The following HERPUD2 variants were observed in gnomAD, a reference collection of about 807,000 sequenced individuals.
HERPUD2 encodes the protein HERPUD family member 2.
Under a neutral mutation model 49.9 loss-of-function variants are expected in HERPUD2, and 13 were observed. That is an observed-to-expected ratio of 0.26 (90% CI 0.17 to 0.41). HERPUD2 has a LOEUF of 0.41. HERPUD2 is among the 10% of genes least tolerant of loss of function. The pLI is 1.00. For synonymous variants in HERPUD2, 172 were observed against 171.4 expected (o/e 1.00, Z -0.03); for missense variants, 449 against 492.2 (o/e 0.91, Z 0.83).
intron 5 of HERPUD2, among the ~76,000 whole-genome samples, chr7:35,649,722 G>A (rs1180190155): frequency 2.0e-5 from 3 of 152,202 alleles, no homozygotes; most frequent in Non-Finnish European, 2.9e-5. Flanking sequence ...GAATGTCTGA[G>A]TTATGATAAG....
intron 2 of HERPUD2, among the ~76,000 whole-genome samples, chr7:35,676,749 C>T (rs1010969255): frequency 6.6e-6 from 1 of 152,166 alleles, no homozygotes; most frequent in African/African-American, 2.4e-5. Flanking sequence ...TTTGTATCTT[C>T]TCTCACCCTG....
intron 5 of HERPUD2, among the ~76,000 whole-genome samples, chr7:35,654,398 A>C (rs1785231381): frequency 6.6e-6 from 1 of 151,930 alleles, no homozygotes; most frequent in Non-Finnish European, 1.5e-5. Context: ...TAAAAGAGAA[A>C]TCATCAAGAT....
chr7:35,683,061 G>GA (rs929200679), intron 2 of HERPUD2, among the ~76,000 whole-genome samples: 3 of 151,362 alleles, frequency 2.0e-5, no homozygotes, highest in Non-Finnish European at 4.4e-5. Flanking sequence ...CACAGATGTA[G>GA]AAAAAAAAAT....
chr7:35,694,196 G>A lies in HERPUD2; in HGVS notation c.135C>T (p.Tyr45=), dbSNP rs202146392. 6.2e-7 allele frequency: 1 copy of A among 1,614,128 alleles called. No individual in the cohort carries two copies. Among genetic ancestry groups the A allele is most frequent in the East Asian group, 2.2e-5 (1 of 44,868 alleles). Residue 45 remains tyrosine (Y), a synonymous_variant, in exon 2 of 9, where the codon TAC becomes TAT. Coordinates refer to ENST00000311350, the MANE Select transcript of HERPUD2 (RefSeq NM_022373.5). ...GKLKTHLSNV[Y]PSKPLTKDQR... is the part of the protein sequence containing the mutation. Reference sequence around the variant, plus strand: ...TTTACACACTTACTGGTTTGCTAGGGTAAACGTTAGATAGATGCGTTTTTA... The same window carrying A: ...TTTACACACTTACTGGTTTGCTAGGATAAACGTTAGATAGATGCGTTTTTA...
intron 5 of HERPUD2, among the ~76,000 whole-genome samples, chr7:35,660,718 T>C (rs1304117522): frequency 1.3e-5 from 2 of 152,318 alleles, no homozygotes; most frequent in Admixed American, 6.5e-5. Flanking sequence ...CACTTGTTGA[T>C]GGGGTTGTTG....
intron 4 of HERPUD2, among the ~76,000 whole-genome samples, chr7:35,669,807 G>A (rs1785607479): frequency 6.6e-6 from 1 of 152,016 alleles, no homozygotes; most frequent in African/African-American, 2.4e-5. Flanking sequence ...AGAAGATTTA[G>A]GGTACTTAAA....
intron 4 of HERPUD2, among the ~76,000 whole-genome samples, 179 bp downstream of exon 4, chr7:35,670,036 C>T (rs1428043246): frequency 1.3e-5 from 2 of 151,706 alleles, no homozygotes; most frequent in East Asian, 1.9e-4. Context: ...GATAACACTG[C>T]GTATTAGATC....
At chr7:35,658,000 C>A (rs1005288905) in intron 5 of HERPUD2, among the ~76,000 whole-genome samples, 1 of 151,988 alleles carries the variant, frequency 6.6e-6, no homozygotes, top group African/African-American at 2.4e-5. Context: ...GGCTATTTAT[C>A]CAAAGGAAAA....
In HERPUD2 at chr7:35,694,617, G is replaced by A. The variant is rs182240797; in HGVS notation, c.-287C>T. 587 of 429,590 alleles carry A rather than the reference G, an allele frequency of 1.4e-3. 5 individuals are homozygous for A. The highest frequency in any genetic ancestry group is 3.5e-4 in the Non-Finnish European group (81 of 231,916). 26.6% of individuals were successfully genotyped at this position (429,590 alleles called of 1,614,324 possible). The stretch of plus-strand genomic sequence containing the variant: ...TCCGGACTGTGGAGGCCGTCGTGAG[G>A]AGAAAGGAAGCTATACGAAGGAAGG... On this transcript the variant is annotated 5_prime_UTR_variant, in exon 2 of 9. Coordinates refer to ENST00000311350, the MANE Select transcript of HERPUD2 (RefSeq NM_022373.5).
intron 2 of HERPUD2, among the ~76,000 whole-genome samples, chr7:35,682,849 A>T (rs1785944906): frequency 6.6e-6 from 1 of 151,554 alleles, no homozygotes; most frequent in Admixed American, 6.6e-5. Flanking sequence ...AATACTTAGG[A>T]ATATACCTAA....
chr7:35,676,127 A>G (rs534477658), intron 2 of HERPUD2, among the ~76,000 whole-genome samples: 3 of 152,210 alleles, frequency 2.0e-5, no homozygotes, highest in Non-Finnish European at 2.9e-5. Context: ...CAGAATCCAA[A>G]TAAGGTTCAC....
At chr7:35,668,126 A>G (rs1358124516) in intron 4 of HERPUD2, among the ~76,000 whole-genome samples, 4 of 152,236 alleles carry the variant, frequency 2.6e-5, no homozygotes, top group Non-Finnish European at 4.4e-5. Flanking sequence ...GACATTAACA[A>G]GAGTTATAAC....
intron 5 of HERPUD2, among the ~76,000 whole-genome samples, chr7:35,646,061 G>A (rs1343288222): frequency 6.6e-6 from 1 of 152,088 alleles, no homozygotes; most frequent in Non-Finnish European, 1.5e-5. Context: ...CATTATTACT[G>A]TATCTCTAGC....
intron 2 of HERPUD2, among the ~76,000 whole-genome samples, chr7:35,680,627 C>T (rs187859446): frequency 5.3e-5 from 8 of 152,292 alleles, no homozygotes; most frequent in Non-Finnish European, 8.8e-5. Flanking sequence ...TCAATTCAGA[C>T]ACCCTGCCTG....
At chr7:35,651,025 A>G (rs1455164370) in intron 5 of HERPUD2, among the ~76,000 whole-genome samples, 1 of 152,114 alleles carries the variant, frequency 6.6e-6, no homozygotes, top group Admixed American at 6.6e-5. Flanking sequence ...TGAGGACCCA[A>G]TCTGCCACTA....
intron 2 of HERPUD2, among the ~76,000 whole-genome samples, chr7:35,692,225 T>C (rs1344099523): frequency 1.3e-5 from 2 of 152,202 alleles, no homozygotes; most frequent in African/African-American, 4.8e-5. Flanking sequence ...TAGTGATCAG[T>C]GCTGCACAGG....
chr7:35,673,052 T>C, intron 3 of HERPUD2, 149 bp downstream of exon 3: 1 of 575,252 alleles, frequency 1.7e-6, no homozygotes, highest in Non-Finnish European at 3.1e-6. Context: ...AACTATCATG[T>C]TACTTTCTAA....
Position 35,635,258 on chromosome 7 carries a change from T to A in HERPUD2, c.818A>T (p.Asn273Ile). The change falls in exon 7 of 9, where the codon AAT becomes ATT. Residue 273 changes from asparagine to isoleucine, a missense_variant. Transcript: ENST00000311350. ...GGPVLNEEDF[N>I]RDWLDWMYTF... Reference sequence around the variant, plus strand: ...GTACATCCAGTCTAGCCAGTCTCGATTGAAGTCTTCTTCATTTAGTACTGG... The same window carrying A: ...GTACATCCAGTCTAGCCAGTCTCGAATGAAGTCTTCTTCATTTAGTACTGG... 1 of 1,614,160 alleles carries A rather than the reference T, an allele frequency of 6.2e-7. No individual in the cohort carries two copies. Among genetic ancestry groups the A allele is most frequent in the Non-Finnish European group, 8.5e-7 (1 of 1,179,982 alleles).
intron 2 of HERPUD2, among the ~76,000 whole-genome samples, chr7:35,682,337 GTGTGTGTGTGTGTGTGTGTGTATATA>G: frequency 9.2e-5 from 2 of 21,852 alleles, no homozygotes; most frequent in African/African-American, 1.5e-4. Flanking sequence ...GTGTGTGTGT[GTGTGTGTGTGTGTGTGTGTGTATATA>G]TATATATATA....
Sources: allele counts gnomAD v4.1 joint callset (sites outside exome capture counted in the v4.1 genomes callset), GRCh38; gene constraint gnomAD v4.1.1; transcripts MANE v1.5; gene names NCBI Gene and HGNC (gene_info 2026-07-23, HGNC 2026-07-21).